The following CLEC12A variants were observed in gnomAD, a reference collection of about 807,000 sequenced individuals.
CLEC12A encodes the protein C-type lectin protein CLL-1.
In CLEC12A, 22 loss-of-function variants were observed where a neutral mutation model predicts 26.5. The observed-to-expected ratio is 0.83, with a 90% CI of 0.59 to 1.19. The LOEUF (loss-of-function observed/expected upper bound fraction) is 1.19, where lower values mean the gene tolerates loss of function less well. Among genes scored for constraint, CLEC12A ranks in the 50% most tolerant of loss-of-function variants. The probability of loss-of-function intolerance (pLI) is 0.00; values close to 1 mark genes in which losing one functional copy is unlikely to be tolerated. For missense variants in CLEC12A, 353 were observed against 315.6 expected (o/e 1.12, Z -0.90); for synonymous variants, 119 against 101.9 (o/e 1.17, Z -1.01).
At position 9,992,438 on chromosome 12, in the gene CLEC12A, A is replaced by T. The variant is rs1864913846; in HGVS notation, n.1005-2580A>T. 3 of 152,114 alleles carry T rather than the reference A, an allele frequency of 2.0e-5. No homozygotes were observed. The South Asian group carries it at 6.2e-4, about 31-fold the overall frequency. The allele number at this position is 152,114 out of a possible 1,614,324, so 9.4% of individuals were successfully genotyped here. A position where few individuals can be genotyped will look rare whatever the true frequency, so the allele number is the denominator to read the frequency against. On this transcript the variant is annotated intron_variant and non_coding_transcript_variant, in intron 4 of 4. Transcript: ENST00000449959. The stretch of plus-strand genomic sequence containing the variant: ...TTTTCTCATGAACTATCTTATACAA[A>T]GAGAAACAAATATCTCTCTGTTTTG...
chr12:9,976,482 T>G (rs1864341338), intron 1 of CLEC12A, among the ~76,000 whole-genome samples: 1 of 152,216 alleles, frequency 6.6e-6, no homozygotes, highest in Non-Finnish European at 1.5e-5. Context: ...TTTGGCCAAT[T>G]TCTCCCATTT....
intron 1 of CLEC12A, among the ~76,000 whole-genome samples, chr12:9,976,913 T>A (rs1464291675): frequency 6.6e-6 from 1 of 152,106 alleles, no homozygotes; most frequent in Non-Finnish European, 1.5e-5. Flanking sequence ...CTGCACAAGT[T>A]CTTTCTTCTC....
rs773319750 is a variant in CLEC12A at position 9,980,741 on chromosome 12, C to G, written c.531+8C>G. 1 of 1,612,236 alleles carries G rather than the reference C, an allele frequency of 6.2e-7. No individual in the cohort carries two copies. The highest frequency in any genetic ancestry group is 8.5e-7 in the Non-Finnish European group (1 of 1,179,122). On this transcript the variant is annotated splice_region_variant and intron_variant, in intron 4 of 5. Coordinates refer to ENST00000304361, the MANE Select transcript of CLEC12A (RefSeq NM_138337.6). ...AACAACAAAAATGCATTGGTAAAGCCCAGGTGTTTCTACCATCATGGGATA... is the reference window on the plus strand; with the variant it reads ...AACAACAAAAATGCATTGGTAAAGCGCAGGTGTTTCTACCATCATGGGATA...
At chr12:9,988,141 T>C (rs1325298706), downstream of CLEC12A, among the ~76,000 whole-genome samples, 2 of 152,160 alleles carry the variant, frequency 1.3e-5, no homozygotes, top group African/African-American at 4.8e-5. Flanking sequence ...CCAAATCTAA[T>C]CTTGAATTGT....
chr12:9,971,779 C>G (rs1864137977), intron 1 of CLEC12A, 92 bp downstream of exon 1: 2 of 1,015,658 alleles, frequency 2.0e-6, no homozygotes, highest in Non-Finnish European at 2.7e-6. Context: ...AGTTACTATT[C>G]AACTTAAATT....
At chr12:9,957,899 T>G (rs1051447297) in intron 1 of CLEC12A, among the ~76,000 whole-genome samples, 3 of 152,346 alleles carry the variant, frequency 2.0e-5, no homozygotes, top group African/African-American at 7.2e-5. Context: ...TCCTTTCACA[T>G]CTGTAATAGC....
intron 1 of CLEC12A, among the ~76,000 whole-genome samples, chr12:9,954,323 T>C (rs973984986): frequency 6.6e-6 from 1 of 151,448 alleles, no homozygotes; most frequent in Non-Finnish European, 1.5e-5. Flanking sequence ...GGTGAAACCC[T>C]GTCTCTACAA....
chr12:9,968,765 G>A (rs1338557741), upstream of CLEC12A, among the ~76,000 whole-genome samples: 2 of 152,176 alleles, frequency 1.3e-5, no homozygotes, highest in African/African-American at 4.8e-5. Flanking sequence ...GAAGACATCT[G>A]TAATTATATT....
At chr12:9,966,692 A>T (rs1337769021), upstream of CLEC12A, among the ~76,000 whole-genome samples, 2 of 151,594 alleles carry the variant, frequency 1.3e-5, no homozygotes, top group Non-Finnish European at 2.9e-5. Context: ...CTACTTTATT[A>T]TTGTACACTT....
At chr12:9,986,219 T>A (rs947099739), downstream of CLEC12A, 1 of 437,322 alleles carries the variant, frequency 2.3e-6, no homozygotes, top group African/African-American at 2.0e-5. Context: ...AAGAGCAATT[T>A]GTGCGTCAGA....
chr12:9,956,523 T>C (rs1181510043), intron 1 of CLEC12A, among the ~76,000 whole-genome samples: 1 of 152,164 alleles, frequency 6.6e-6, no homozygotes, highest in Non-Finnish European at 1.5e-5. Context: ...AAAGAGGAAT[T>C]CACCCAATTC....
At chr12:9,955,475 CTT>C (rs1230069402) in intron 1 of CLEC12A, among the ~76,000 whole-genome samples, 3 of 152,096 alleles carry the variant, frequency 2.0e-5, no homozygotes, top group Non-Finnish European at 4.4e-5. Flanking sequence ...TTTGATATCT[CTT>C]TTCTCATAAG....
intron 4 of CLEC12A, chr12:9,994,964 T>G: frequency 6.7e-7 from 1 of 1,483,984 alleles, no homozygotes; most frequent in African/African-American, 1.4e-5. Context: ...AGCAAAGTAA[T>G]GGGAGAGAGG....
upstream of CLEC12A, among the ~76,000 whole-genome samples, chr12:9,966,678 G>C (rs903693758): frequency 2.0e-5 from 3 of 151,634 alleles, no homozygotes; most frequent in Non-Finnish European, 2.9e-5. Flanking sequence ...CTACTTTGCT[G>C]CCTCTACTTT....
At chr12:9,952,233 G>A (rs1409511391) in intron 1 of CLEC12A, among the ~76,000 whole-genome samples, 1 of 140,510 alleles carries the variant, frequency 7.1e-6, no homozygotes, top group Admixed American at 7.5e-5. Flanking sequence ...CCTCTCATGT[G>A]GAGCCGAAGC....
At chr12:9,958,254 C>T (rs551355362) in intron 1 of CLEC12A, among the ~76,000 whole-genome samples, 26 of 152,240 alleles carry the variant, frequency 1.7e-4, no homozygotes, top group African/African-American at 5.5e-4. Context: ...GTGGAAGATC[C>T]GGTTGATACA....
chr12:9,995,258 A>C, exon 5 of CLEC12A: 1 of 1,597,902 alleles, frequency 6.3e-7, no homozygotes, highest in Non-Finnish European at 8.6e-7. Flanking sequence ...TATTGTAAAC[A>C]TAAATAAACA....
At position 9,951,494 on chromosome 12, in the gene CLEC12A, T is replaced by C. The variant is rs534145743; in HGVS notation, c.10+138T>C. ...ACCCTGACTGTTCCAGTTCAGACAC[T>C]CTTGGGGCTTGTTAGTAATTGAGTA... On this transcript the variant is annotated intron_variant, in intron 1 of 6. Transcript: ENST00000355690. 8.9e-6 allele frequency: 6 copies of C among 670,778 alleles called. No individual in the cohort carries two copies. In the Admixed American group the frequency reaches 1.3e-4, roughly 14 times the overall value. The allele number at this position is 670,778 out of a possible 1,614,324, so 41.6% of individuals were successfully genotyped here.
At chr12:9,976,157 G>A (rs1442239127) in intron 1 of CLEC12A, among the ~76,000 whole-genome samples, 1 of 152,222 alleles carries the variant, frequency 6.6e-6, no homozygotes, top group African/African-American at 2.4e-5. Flanking sequence ...GCTCCACACA[G>A]AGTCCCCACT....
Sources: allele counts gnomAD v4.1 joint callset (sites outside exome capture counted in the v4.1 genomes callset), GRCh38; gene constraint gnomAD v4.1.1; transcripts MANE v1.5; gene names NCBI Gene and HGNC (gene_info 2026-07-23, HGNC 2026-07-21).